Variants in CACNA2D3 observed in about 807,000 individuals in gnomAD.
CACNA2D3 encodes the protein voltage-dependent calcium channel subunit alpha-2/delta-3.
Under a neutral mutation model 160.6 loss-of-function variants are expected in CACNA2D3, and 60 were observed. The ratio of observed to expected loss-of-function variants is 0.37; its 90% CI spans 0.30 to 0.46. The LOEUF (loss-of-function observed/expected upper bound fraction) is 0.46, where lower values mean the gene tolerates loss of function less well. Among genes scored for constraint, CACNA2D3 ranks in the 20% least tolerant of loss-of-function variants. The pLI, the probability that CACNA2D3 is intolerant of heterozygous loss-of-function variation, is 1.00. For missense variants in CACNA2D3, 1,205 were observed against 1,365.0 expected (o/e 0.88, Z 1.85); for synonymous variants, 558 against 492.9 (o/e 1.13, Z -1.75).
At chr3:54,373,855 T>C (rs940525589) in intron 3 of CACNA2D3, among the ~76,000 whole-genome samples, 1 of 152,148 alleles carries the variant, frequency 6.6e-6, no homozygotes, top group Non-Finnish European at 1.5e-5. Context: ...TCACCTTGCA[T>C]TTTCTTCCTG....
At chr3:54,835,647 A>G (rs372631151) in intron 14 of CACNA2D3, among the ~76,000 whole-genome samples, 5 of 152,214 alleles carry the variant, frequency 3.3e-5, no homozygotes, top group African/African-American at 1.2e-4. Flanking sequence ...AACTAAAGCT[A>G]TGGAAGAGAA....
chr3:54,950,735 A>C (rs1575401512), intron 27 of CACNA2D3, among the ~76,000 whole-genome samples: 1 of 152,160 alleles, frequency 6.6e-6, no homozygotes, highest in Non-Finnish European at 1.5e-5. Flanking sequence ...TGGGAAATCC[A>C]TCAGTTGAGC....
At chr3:54,452,368 G>C (rs1357434448) in intron 4 of CACNA2D3, among the ~76,000 whole-genome samples, 1 of 152,208 alleles carries the variant, frequency 6.6e-6, no homozygotes, top group Non-Finnish European at 1.5e-5. Context: ...ATCTCCACCT[G>C]GCTCTGCCCT....
chr3:54,561,325 C>T (rs1702321650), intron 5 of CACNA2D3, among the ~76,000 whole-genome samples: 1 of 152,124 alleles, frequency 6.6e-6, no homozygotes, highest in Admixed American at 6.5e-5. Flanking sequence ...GTACTTTATT[C>T]TTTTTGTGGC....
intron 3 of CACNA2D3, among the ~76,000 whole-genome samples, chr3:54,367,413 A>G (rs1024324322): frequency 6.6e-6 from 1 of 152,172 alleles, no homozygotes; most frequent in Non-Finnish European, 1.5e-5. Flanking sequence ...CCTCCACCGT[A>G]TGGGATGAGA....
At chr3:54,196,508 A>C (rs566123522) in intron 2 of CACNA2D3, among the ~76,000 whole-genome samples, 1 of 152,202 alleles carries the variant, frequency 6.6e-6, no homozygotes, top group Non-Finnish European at 1.5e-5. Flanking sequence ...CAGCCCTCCC[A>C]GTTCTCTTTG....
chr3:55,074,176 CCCTCTGCTT>C lies in CACNA2D3; in HGVS notation c.3247_3255del (p.Pro1083_Leu1085del). ...AAGCCCAGACAGTCCTCCTTCTGCTCCCTCTGCTTTTGATGCTCTTCTCAAGGTGACACT... is the reference window on the plus strand; with the variant it reads ...AAGCCCAGACAGTCCTCCTTCTGCTCTTGATGCTCTTCTCAAGGTGACACT... On this transcript the variant is annotated inframe_deletion, in exon 38 of 38. Transcript: ENST00000474759. 6.2e-7 allele frequency: 1 copy of C among 1,613,794 alleles called. No homozygotes were observed. The highest frequency in any genetic ancestry group is 8.5e-7 in the Non-Finnish European group (1 of 1,179,758).
chr3:54,877,169 A>G (rs976751336), intron 18 of CACNA2D3: 5 of 152,216 alleles, frequency 3.3e-5, no homozygotes, highest in Non-Finnish European at 7.3e-5. Context: ...AATAGGAGAT[A>G]GAGAGGGGCT....
chr3:54,532,217 G>A (rs1449602579), intron 5 of CACNA2D3, among the ~76,000 whole-genome samples: 2 of 152,214 alleles, frequency 1.3e-5, no homozygotes, highest in East Asian at 3.9e-4. Context: ...AAGAAAAATT[G>A]TTCTGCTTTG....
At chr3:54,188,694 G>A (rs768576791) in intron 2 of CACNA2D3, among the ~76,000 whole-genome samples, 22 of 152,154 alleles carry the variant, frequency 1.4e-4, no homozygotes, top group Admixed American at 2.6e-4. Flanking sequence ...CCTTCATATA[G>A]AAGAGATTTT....
At chr3:54,623,272 G>A (rs1247832472) in intron 9 of CACNA2D3, among the ~76,000 whole-genome samples, 3 of 152,140 alleles carry the variant, frequency 2.0e-5, no homozygotes, top group East Asian at 1.9e-4. Flanking sequence ...TGCACCTCCC[G>A]TGCGGTGGCA....
At chr3:55,026,991 G>GCGCACA (rs1703575991) in intron 35 of CACNA2D3, among the ~76,000 whole-genome samples, 1 of 150,926 alleles carries the variant, frequency 6.6e-6, no homozygotes, top group African/African-American at 2.4e-5. Context: ...GCGCATGCAC[G>GCGCACA]CACACACACA....
chr3:54,452,541 C>G (rs1165125829), intron 4 of CACNA2D3, among the ~76,000 whole-genome samples: 1 of 152,214 alleles, frequency 6.6e-6, no homozygotes, highest in Non-Finnish European at 1.5e-5. Context: ...CCAGCAGTCT[C>G]TTTAAAGCAA....
At chr3:54,516,132 A>G (rs1357784564) in intron 5 of CACNA2D3, among the ~76,000 whole-genome samples, 2 of 152,190 alleles carry the variant, frequency 1.3e-5, no homozygotes, top group Non-Finnish European at 2.9e-5. Flanking sequence ...ATGCCTGACA[A>G]CAGCACAGGT....
intron 11 of CACNA2D3, among the ~76,000 whole-genome samples, chr3:54,683,616 C>A (rs974683739): frequency 6.6e-6 from 1 of 152,184 alleles, no homozygotes; most frequent in Non-Finnish European, 1.5e-5. Context: ...GGGAAAGCGA[C>A]CCTCCAGTGT....
chr3:54,580,872 A>G (rs1399583835), intron 8 of CACNA2D3, among the ~76,000 whole-genome samples: 1 of 152,216 alleles, frequency 6.6e-6, no homozygotes, highest in African/African-American at 2.4e-5. Context: ...GAGGTGCCAG[A>G]GCGAGAGCTC....
chr3:54,723,256 T>A (rs576639662), intron 11 of CACNA2D3, among the ~76,000 whole-genome samples: 2 of 152,282 alleles, frequency 1.3e-5, no homozygotes, highest in Admixed American at 1.3e-4. Flanking sequence ...AGCTAGAGCA[T>A]CCCATTTGGA....
chr3:54,243,641 G>T (rs955373903), intron 2 of CACNA2D3, among the ~76,000 whole-genome samples: 1 of 152,096 alleles, frequency 6.6e-6, no homozygotes, highest in East Asian at 1.9e-4. Flanking sequence ...ACAAACAAAC[G>T]AAAACGAAAC....
intron 2 of CACNA2D3, among the ~76,000 whole-genome samples, chr3:54,149,928 T>TCTCTCTCTCTCTCCCTCC (rs1559863335): frequency 1.4e-4 from 5 of 35,556 alleles, no homozygotes; most frequent in Admixed American, 8.0e-4. Context: ...TCTCTCTCTC[T>TCTCTCTCTCTCTCCCTCC]CTCCCTCCCT....
Sources: allele counts gnomAD v4.1 joint callset (sites outside exome capture counted in the v4.1 genomes callset), GRCh38; gene constraint gnomAD v4.1.1; transcripts MANE v1.5; gene names NCBI Gene and HGNC (gene_info 2026-07-23, HGNC 2026-07-21).